Variants in MAEL observed in about 807,000 individuals in gnomAD.
MAEL encodes the protein maelstrom spermatogenic transposon silencer, also known as protein maelstrom homolog.
Under a neutral mutation model 62.0 loss-of-function variants are expected in MAEL, and 46 were observed. That is an observed-to-expected ratio of 0.74 (90% CI 0.59 to 0.95). MAEL has a LOEUF of 0.95. Ranked by LOEUF, MAEL falls within the 40% of genes least tolerant of loss-of-function variation. MAEL has a pLI of 0.00. For missense variants in MAEL, 497 were observed against 526.8 expected, an observed-to-expected ratio of 0.94 and a Z score of 0.55; for synonymous variants, 172 against 175.5, an observed-to-expected ratio of 0.98 and a Z score of 0.16.
Position 167,017,910 on chromosome 1 carries a change from G to C in MAEL, c.992G>C (p.Ser331Thr). ...GTACCACTACAAGATTATGAGGCCA[G>C]CAATAGTGTGACACCCAAAATGGTT... ...AHVPLQDYEA[S>T]NSVTPKMVVL... The change falls in exon 10 of 12, where the codon AGC becomes ACC. Residue 331 changes from serine (S) to threonine (T), a missense_variant. Coordinates refer to ENST00000367872, the MANE Select transcript of MAEL (RefSeq NM_032858.3). The C allele has an allele frequency of 3.7e-6, 6 of 1,613,358 alleles. No individual in the cohort carries two copies. Among genetic ancestry groups the C allele is most frequent in the Non-Finnish European group, 5.1e-6 (6 of 1,179,558 alleles).
chr1:167,007,639 T>C (rs1261269700), intron 8 of MAEL, among the ~76,000 whole-genome samples: 1 of 151,838 alleles, frequency 6.6e-6, no homozygotes, highest in African/African-American at 2.4e-5. Context: ...TGTAGCTAGG[T>C]CTCTCAATCT....
intron 4 of MAEL, among the ~76,000 whole-genome samples, chr1:166,993,051 A>G (rs528477810): frequency 1.3e-5 from 2 of 152,330 alleles, no homozygotes; most frequent in Non-Finnish European, 2.9e-5. Flanking sequence ...TCAAGTTACC[A>G]TTAAAATCAG....
At chr1:167,010,636 CAG>C (rs1300717648) in intron 8 of MAEL, among the ~76,000 whole-genome samples, 1 of 152,072 alleles carries the variant, frequency 6.6e-6, no homozygotes, top group Non-Finnish European at 1.5e-5. Flanking sequence ...GTCGTGGAGA[CAG>C]AGTCTTGCTG....
chr1:167,000,098 T>C (rs1664597709), intron 5 of MAEL, among the ~76,000 whole-genome samples: 1 of 152,194 alleles, frequency 6.6e-6, no homozygotes. Flanking sequence ...CTGTAGCCCA[T>C]GGATCAAGGA....
intron 8 of MAEL, among the ~76,000 whole-genome samples, chr1:167,008,687 G>C (rs1665034672): frequency 6.6e-6 from 1 of 151,738 alleles, no homozygotes; most frequent in Admixed American, 6.6e-5. Flanking sequence ...TTTTTGATGT[G>C]TTTAGTAGAG....
At position 166,983,114 on chromosome 1, in the gene MAEL, T is replaced by C. The variant is rs78710037; in HGVS notation, c.-120-6287T>C. Among the ~76,000 whole-genome samples, 1,202 of 152,342 alleles carry C rather than the reference T, an allele frequency of 7.9e-3. 23 individuals are homozygous for C. Among genetic ancestry groups the C allele is most frequent in the African/African-American group, 0.028 (1,158 of 41,582 alleles). ...TCTTGTTATATACATAATAGTTTAT[T>C]TATTTATTACCTGGGTTTTTTTCCA... On this transcript the variant is annotated intron_variant, in intron 1 of 12. Transcript: ENST00000622874.
In MAEL at chr1:166,977,096, A is replaced by C. The variant is rs187686730; in HGVS notation, c.-121+1430A>C. Among the ~76,000 whole-genome samples the C allele has an allele frequency of 2.6e-5, 4 of 152,362 alleles. No individual in the cohort carries two copies. In the East Asian group the frequency reaches 7.7e-4, roughly 29 times the overall value. The stretch of plus-strand genomic sequence containing the variant: ...CAGTGTACATGATCAGCTGTGGCAG[A>C]GGTCAAGCCACCAGGATGCTCCAAG... On this transcript the variant is annotated intron_variant, in intron 1 of 12. Transcript: ENST00000622874.
chr1:166,991,611 T>C, intron 3 of MAEL, 134 bp downstream of exon 3: 1 of 568,220 alleles, frequency 1.8e-6, no homozygotes, highest in South Asian at 2.4e-5. Context: ...AATATTGTGG[T>C]ACTGACATTA....
rs868234878 is a variant in MAEL at position 166,989,780 on chromosome 1, G to C, written c.176G>C (p.Arg59Pro). 5 of 1,613,838 alleles carry C rather than the reference G, an allele frequency of 3.1e-6. No individual in the cohort carries two copies. The highest frequency in any genetic ancestry group is 4.2e-6 in the Non-Finnish European group (5 of 1,179,978). Residue 59 changes from arginine to proline, a missense_variant, in exon 2 of 12, where the codon CGA becomes CCA. Coordinates refer to ENST00000367872, the MANE Select transcript of MAEL (RefSeq NM_032858.3). ...AAGGAGAAATACGCAGAAATGGCTC[G>C]AGAATGGAGGGCCGCTCAGGGAAAG... ...EEKEKYAEMAREWRAAQGKDP... is the reference protein window; with the variant it reads ...EEKEKYAEMAPEWRAAQGKDP...
intron 1 of MAEL, among the ~76,000 whole-genome samples, chr1:166,977,812 G>A (rs994124776): frequency 2.6e-5 from 4 of 152,162 alleles, no homozygotes; most frequent in Admixed American, 1.3e-4. Flanking sequence ...ATTGCCAGGC[G>A]TGGTTGTACA....
At chr1:167,016,339 G>C in intron 9 of MAEL, 55 bp downstream of exon 9, 2 of 1,553,408 alleles carry the variant, frequency 1.3e-6, no homozygotes, top group Non-Finnish European at 1.8e-6. Context: ...AAATTATTCT[G>C]TGCCGTTTTG....
At chr1:166,991,888 A>AT (rs1224466140) in intron 3 of MAEL, among the ~76,000 whole-genome samples, 14 of 152,232 alleles carry the variant, frequency 9.2e-5, no homozygotes, top group Non-Finnish European at 1.6e-4. Flanking sequence ...CACCACAAAA[A>AT]GTGAGGTGAT....
chr1:167,014,338 T>C lies in MAEL; in HGVS notation c.846-1884T>C, dbSNP rs181793740. The stretch of plus-strand genomic sequence containing the variant: ...ATACTTTATCACTTTAGAATAGTTT[T>C]TCTTAGTCCATTTTAATGAGCTTTT... On this transcript the variant is annotated intron_variant, in intron 8 of 11. Coordinates refer to ENST00000367872, the MANE Select transcript of MAEL (RefSeq NM_032858.3). Among the ~76,000 whole-genome samples the C allele has an allele frequency of 4.6e-5, 7 of 152,340 alleles. No homozygotes were observed. The East Asian group carries it at 1.3e-3, about 29-fold the overall frequency.
intron 1 of MAEL, among the ~76,000 whole-genome samples, chr1:166,977,728 C>T (rs750707547): frequency 5.9e-5 from 9 of 152,102 alleles, no homozygotes; most frequent in South Asian, 2.1e-4. Context: ...CTGAGGTGGG[C>T]GGATTGCTTG....
Position 166,980,614 on chromosome 1 carries a change from C to T in MAEL, c.-121+4948C>T, listed in dbSNP as rs183098656. 1.4e-3 allele frequency among the ~76,000 whole-genome samples: 212 copies of T among 152,310 alleles called. 4 individuals carry two copies. Among genetic ancestry groups the T allele is most frequent in the East Asian group, 7.1e-3 (37 of 5,182 alleles). On this transcript the variant is annotated intron_variant, in intron 1 of 12. Coordinates refer to the MAEL transcript ENST00000622874. ...GCCCTGGGAGCTTTTACTGACAGTG[C>T]AACCTATAATTTCTCTGAAAGTTAC... is the stretch of plus-strand genomic sequence containing the variant.
At chr1:167,018,540 A>G (rs1052382985) in intron 10 of MAEL, among the ~76,000 whole-genome samples, 3 of 152,138 alleles carry the variant, frequency 2.0e-5, no homozygotes, top group Admixed American at 2.0e-4. Context: ...AAGAACAATA[A>G]TAGGGGCTAG....
intron 6 of MAEL, 126 bp from the exon 7 acceptor site, chr1:167,004,950 G>C: frequency 1.3e-6 from 1 of 774,560 alleles, no homozygotes; most frequent in Non-Finnish European, 2.1e-6. Flanking sequence ...AAACTCCTCA[G>C]TCTTTCTCCT....
At chr1:166,984,902 AATATTTGGTAGTTAAATC>A (rs1394936095), upstream of MAEL, among the ~76,000 whole-genome samples, 3 of 152,310 alleles carry the variant, frequency 2.0e-5, no homozygotes, top group African/African-American at 7.2e-5. Context: ...CACCCATCTA[AATATTTGGTAGTTAAATC>A]TAGATATGGT....
intron 9 of MAEL, among the ~76,000 whole-genome samples, chr1:167,016,965 G>A (rs1665421214): frequency 6.6e-6 from 1 of 151,986 alleles, no homozygotes; most frequent in African/African-American, 2.4e-5. Context: ...GAGAGTAGAA[G>A]GAATGATTAC....
Sources: gnomAD v4.1 joint callset for allele counts (sites outside exome capture counted in the v4.1 genomes callset) on GRCh38, gnomAD v4.1.1 for gene constraint, MANE v1.5 for transcripts, NCBI Gene and HGNC (gene_info 2026-07-23, HGNC 2026-07-21) for gene names.